Variants in NALF1 observed in about 807,000 individuals in gnomAD.
NALF1 encodes the protein NALCN channel auxiliary factor 1.
NALF1 carries 3 observed loss-of-function variants against 48.4 expected under a neutral mutation model. That is an observed-to-expected ratio of 0.06 (90% CI 0.03 to 0.16). The LOEUF is 0.16. Among genes scored for constraint, NALF1 ranks in the 10% least tolerant of loss-of-function variants. The probability of loss-of-function intolerance (pLI) is 1.00; values close to 1 mark genes in which losing one functional copy is unlikely to be tolerated. For missense variants in NALF1, 526 were observed against 571.5 expected (o/e 0.92, Z 0.81); for synonymous variants, 262 against 245.7 (o/e 1.07, Z -0.62).
chr13:107,703,124 T>C (rs1456528991), intron 1 of NALF1, among the ~76,000 whole-genome samples: 1 of 152,184 alleles, frequency 6.6e-6, no homozygotes, highest in Non-Finnish European at 1.5e-5. Flanking sequence ...AGTTTTCTAT[T>C]ATGGTGTATG....
chr13:107,776,439 A>G (rs944794662), intron 1 of NALF1, among the ~76,000 whole-genome samples: 1 of 152,218 alleles, frequency 6.6e-6, no homozygotes, highest in Non-Finnish European at 1.5e-5. Flanking sequence ...CAGTAATAAT[A>G]TCATTCTTAA....
intron 1 of NALF1, among the ~76,000 whole-genome samples, chr13:107,862,629 G>C (rs146819901): frequency 0.01 from 1,578 of 151,950 alleles, 27 homozygotes; most frequent in African/African-American, 0.036. Flanking sequence ...AAAATATTGA[G>C]TGAATATTTT....
chr13:107,591,611 CT>C (rs1469285616), intron 1 of NALF1, among the ~76,000 whole-genome samples: 2 of 151,866 alleles, frequency 1.3e-5, no homozygotes, highest in Admixed American at 6.6e-5. Flanking sequence ...TTGTACAGCC[CT>C]TCCCACTACT....
chr13:107,188,122 AT>A (rs752309107), intron 2 of NALF1, among the ~76,000 whole-genome samples: 1 of 152,152 alleles, frequency 6.6e-6, no homozygotes, highest in Non-Finnish European at 1.5e-5. Context: ...AAGACAATTT[AT>A]TTTTTTGCCA....
intron 1 of NALF1, among the ~76,000 whole-genome samples, chr13:107,770,910 T>G (rs1877559088): frequency 6.6e-6 from 1 of 152,192 alleles, no homozygotes; most frequent in African/African-American, 2.4e-5. Context: ...GCATTATTCC[T>G]TTTGGCCTAA....
intron 1 of NALF1, among the ~76,000 whole-genome samples, chr13:107,667,271 T>C (rs979734938): frequency 6.6e-6 from 1 of 151,952 alleles, no homozygotes; most frequent in Non-Finnish European, 1.5e-5. Flanking sequence ...CCAATACCCA[T>C]AAACACACTA....
At chr13:107,680,518 G>T (rs1408373572) in intron 1 of NALF1, among the ~76,000 whole-genome samples, 2 of 151,920 alleles carry the variant, frequency 1.3e-5, no homozygotes, top group Non-Finnish European at 2.9e-5. Context: ...ACGAGTGAGG[G>T]TGTGTGAGGA....
At chr13:107,210,462 G>A (rs1594071664) in intron 2 of NALF1, 122 bp downstream of exon 2, 1 of 711,818 alleles carries the variant, frequency 1.4e-6, no homozygotes, top group Non-Finnish European at 2.4e-6. Context: ...TGAAAGTGCG[G>A]AAAACTACCA....
At chr13:107,379,779 T>G (rs946516916) in intron 1 of NALF1, among the ~76,000 whole-genome samples, 3 of 152,194 alleles carry the variant, frequency 2.0e-5, no homozygotes, top group Non-Finnish European at 4.4e-5. Flanking sequence ...CAGAACTAAT[T>G]AAACTTCAGA....
chr13:107,456,024 T>C (rs1449617149), intron 1 of NALF1, among the ~76,000 whole-genome samples: 1 of 152,184 alleles, frequency 6.6e-6, no homozygotes, highest in East Asian at 1.9e-4. Context: ...TTTAAACCCA[T>C]TTGTGTACAT....
chr13:107,325,675 T>C (rs1433026640), intron 1 of NALF1, among the ~76,000 whole-genome samples: 1 of 151,298 alleles, frequency 6.6e-6, no homozygotes. Flanking sequence ...TTATTATCTC[T>C]ACTAAAAATG....
At chr13:107,714,393 G>A (rs1022247712) in intron 1 of NALF1, among the ~76,000 whole-genome samples, 3 of 151,996 alleles carry the variant, frequency 2.0e-5, no homozygotes, top group African/African-American at 7.2e-5. Context: ...CAGGCCAGGC[G>A]CAGTGGCTCA....
intron 1 of NALF1, among the ~76,000 whole-genome samples, chr13:107,615,447 G>T (rs756440399): frequency 3.3e-4 from 50 of 152,186 alleles, no homozygotes; most frequent in Non-Finnish European, 5.0e-4. Context: ...CACAAACCCT[G>T]CATGAATTCA....
chr13:107,614,039 A>G (rs1879309952), intron 1 of NALF1, among the ~76,000 whole-genome samples: 1 of 152,200 alleles, frequency 6.6e-6, no homozygotes, highest in East Asian at 1.9e-4. Flanking sequence ...GATGTTTTCA[A>G]CTGTGTTCAT....
intron 1 of NALF1, among the ~76,000 whole-genome samples, chr13:107,543,541 A>G (rs1215668851): frequency 2.0e-5 from 3 of 152,082 alleles, no homozygotes; most frequent in Non-Finnish European, 4.4e-5. Flanking sequence ...ACTGAGTTGC[A>G]TCCCAATAAA....
chr13:107,210,803 C>T (rs1358089098), intron 1 of NALF1, 48 bp from the exon 2 acceptor site: 2 of 1,361,650 alleles, frequency 1.5e-6, no homozygotes, highest in African/African-American at 2.9e-5. Flanking sequence ...ACAACAGTTA[C>T]AGTGATAGAG....
At chr13:107,674,812 G>C (rs1221735000) in intron 1 of NALF1, among the ~76,000 whole-genome samples, 2 of 152,178 alleles carry the variant, frequency 1.3e-5, no homozygotes, top group East Asian at 3.9e-4. Context: ...GAAAAGTCCA[G>C]GGTGGCAAAA....
At chr13:107,225,135 A>T (rs1020695114) in intron 1 of NALF1, among the ~76,000 whole-genome samples, 2 of 151,948 alleles carry the variant, frequency 1.3e-5, no homozygotes, top group Non-Finnish European at 2.9e-5. Context: ...CAGCCTCCCA[A>T]GTAGCTGGGA....
At chr13:107,209,193 A>G (rs1050739038) in intron 2 of NALF1, among the ~76,000 whole-genome samples, 5 of 152,196 alleles carry the variant, frequency 3.3e-5, no homozygotes, top group Non-Finnish European at 5.9e-5. Context: ...TTCTTTCCAC[A>G]AGCTTGGGCA....
Sources: gnomAD v4.1 joint callset for allele counts (sites outside exome capture counted in the v4.1 genomes callset) on GRCh38, gnomAD v4.1.1 for gene constraint, MANE v1.5 for transcripts, NCBI Gene and HGNC (gene_info 2026-07-23, HGNC 2026-07-21) for gene names.